Variants in RABGAP1L observed in about 807,000 individuals in gnomAD.
The protein encoded by RABGAP1L is rab GTPase-activating protein 1-like.
Under a neutral mutation model 137.7 loss-of-function variants are expected in RABGAP1L, and 63 were observed. The observed-to-expected ratio is 0.46, with a 90% CI of 0.37 to 0.56. The LOEUF (loss-of-function observed/expected upper bound fraction) is 0.56, where lower values mean the gene tolerates loss of function less well. Ranked by LOEUF, RABGAP1L falls within the 20% of genes least tolerant of loss-of-function variation. RABGAP1L has a pLI of 0.00. For synonymous variants in RABGAP1L, 431 were observed against 433.7 expected (o/e 0.99, Z 0.08); for missense variants, 1,095 against 1,244.0 (o/e 0.88, Z 1.80).
chr1:174,660,478 CTTA>C (rs1676293153), intron 14 of RABGAP1L, among the ~76,000 whole-genome samples: 1 of 152,174 alleles, frequency 6.6e-6, no homozygotes, highest in Non-Finnish European at 1.5e-5. Context: ...TAGCCAGAAT[CTTA>C]TTATTTCTTG....
intron 18 of RABGAP1L, among the ~76,000 whole-genome samples, chr1:174,796,939 G>A (rs948507980): frequency 2.0e-5 from 3 of 151,984 alleles, no homozygotes; most frequent in Admixed American, 2.0e-4. Flanking sequence ...CCTGGGAGGC[G>A]GAGGTTGCAA....
intron 13 of RABGAP1L, 23 bp from the exon 14 acceptor site, chr1:174,637,352 G>A: frequency 1.3e-6 from 2 of 1,511,168 alleles, no homozygotes; most frequent in Non-Finnish European, 1.8e-6. Context: ...TTAATAACCA[G>A]GTCTATTTTC....
At chr1:174,744,878 A>T (rs531620269) in intron 17 of RABGAP1L, among the ~76,000 whole-genome samples, 10 of 152,334 alleles carry the variant, frequency 6.6e-5, no homozygotes, top group African/African-American at 2.4e-4. Flanking sequence ...TCATTATACT[A>T]TGGTTATGTA....
intron 19 of RABGAP1L, among the ~76,000 whole-genome samples, chr1:174,819,950 G>A (rs562687998): frequency 6.6e-6 from 1 of 152,280 alleles, no homozygotes; most frequent in East Asian, 1.9e-4. Context: ...GTGTAGTTTG[G>A]TGAGGAAGAA....
chr1:174,398,540 A>C (rs112817453), intron 13 of RABGAP1L, among the ~76,000 whole-genome samples: 5 of 152,252 alleles, frequency 3.3e-5, no homozygotes, highest in African/African-American at 1.2e-4. Context: ...TCAAGGGTTA[A>C]AAGGTTACTG....
rs549171345 is a variant in RABGAP1L at position 174,511,171 on chromosome 1, TGATA to T, written c.1710+117031_1710+117034del. ...ATAGCTTCAGTTATGTGGAAGAATG[TGATA>T]GATAAAGGACAGCTTAGATTTTAAA... On this transcript the variant is annotated intron_variant, in intron 13 of 25. Coordinates refer to ENST00000681986, the MANE Select transcript of RABGAP1L (RefSeq NM_001366446.1). Among the ~76,000 whole-genome samples, 8 of 152,284 alleles carry T rather than the reference TGATA, an allele frequency of 5.3e-5. No homozygotes were observed. The East Asian group carries it at 1.4e-3, about 26-fold the overall frequency.
rs565202292 is a variant in RABGAP1L at position 174,646,747 on chromosome 1, G to T, written c.1824+9259G>T. 5.3e-5 allele frequency among the ~76,000 whole-genome samples: 8 copies of T among 152,314 alleles called. No homozygotes were observed. The East Asian group carries it at 1.2e-3, about 22-fold the overall frequency. On this transcript the variant is annotated intron_variant, in intron 14 of 25. Transcript: ENST00000681986. ...AAGTAGTTTTTTCTAATTCTGTGAA[G>T]AGTGTCAGTGGTAGCTTGATGGGGA...
In RABGAP1L at chr1:174,833,449, G is replaced by GAGATATATATATATAT. The variant is rs1553259972; in HGVS notation, c.2340+21490_2340+21491insGATATATATATATATA. On this transcript the variant is annotated intron_variant, in intron 19 of 25. Transcript: ENST00000681986. ...ATATATATATGTGTGTGTGTGTAGA[G>GAGATATATATATATAT]ATATATATATATATATATAGTAGAG... Among the ~76,000 whole-genome samples, 253 of 27,854 alleles carry GAGATATATATATATAT rather than the reference G, an allele frequency of 9.1e-3. 32 individuals are homozygous for GAGATATATATATATAT. Among genetic ancestry groups the GAGATATATATATATAT allele is most frequent in the Non-Finnish European group, 0.022 (202 of 9,042 alleles). The allele number at this position is 27,854 out of a possible 152,430, so 18.3% of individuals were successfully genotyped here.
chr1:174,968,638 T>TTTTAC (rs1669862495), intron 20 of RABGAP1L, among the ~76,000 whole-genome samples: 1 of 152,116 alleles, frequency 6.6e-6, no homozygotes, highest in South Asian at 2.1e-4. Flanking sequence ...AATGTTTTAA[T>TTTTAC]CTGAAATTTT....
In RABGAP1L at chr1:174,298,546, TCCTATGG is replaced by T. The variant is rs200483123; in HGVS notation, c.1324-6438_1324-6432del. On this transcript the variant is annotated intron_variant, in intron 10 of 25. Transcript: ENST00000681986. ...TGGATCCTTCAGATCCAATTTTCTT[TCCTATGG>T]CTTTGACCCAAAATTTGGAATTGAG... is the stretch of plus-strand genomic sequence containing the variant. Among the ~76,000 whole-genome samples, 1,372 of 152,296 alleles carry T rather than the reference TCCTATGG, an allele frequency of 9.0e-3. 22 individuals are homozygous for T. The highest frequency in any genetic ancestry group is 0.032 in the African/African-American group (1,324 of 41,568).
At chr1:174,951,752 G>C (rs773880873) in intron 19 of RABGAP1L, among the ~76,000 whole-genome samples, 9 of 152,094 alleles carry the variant, frequency 5.9e-5, no homozygotes, top group Admixed American at 1.3e-4. Context: ...ACATTTAATA[G>C]GTGAAATCAT....
At chr1:174,371,095 GA>G in intron 12 of RABGAP1L, 23 bp downstream of exon 12, 1 of 1,325,564 alleles carries the variant, frequency 7.5e-7, no homozygotes, top group South Asian at 1.6e-5. Context: ...TTTTCATACT[GA>G]AAATTCTATA....
chr1:174,441,753 A>G (rs1233901213), intron 13 of RABGAP1L, among the ~76,000 whole-genome samples: 1 of 152,036 alleles, frequency 6.6e-6, no homozygotes, highest in East Asian at 1.9e-4. Context: ...CAAACAAACA[A>G]ACAAATAAAA....
At chr1:174,721,672 T>TA (rs1332382115) in intron 17 of RABGAP1L, among the ~76,000 whole-genome samples, 2 of 152,238 alleles carry the variant, frequency 1.3e-5, no homozygotes, top group Non-Finnish European at 2.9e-5. Context: ...GATGGAACTT[T>TA]TTAGAGTTAG....
intron 10 of RABGAP1L, among the ~76,000 whole-genome samples, chr1:174,293,149 AG>A (rs1408275634): frequency 6.6e-6 from 1 of 151,944 alleles, no homozygotes; most frequent in African/African-American, 2.4e-5. Flanking sequence ...CATGAACAGT[AG>A]TTTTTTTTGG....
At chr1:174,785,784 G>A (rs1687408024) in intron 18 of RABGAP1L, among the ~76,000 whole-genome samples, 1 of 152,174 alleles carries the variant, frequency 6.6e-6, no homozygotes, top group Non-Finnish European at 1.5e-5. Flanking sequence ...CTACAGTGGT[G>A]ACAGCTGCTT....
intron 19 of RABGAP1L, among the ~76,000 whole-genome samples, chr1:174,825,213 A>C (rs992746772): frequency 5.2e-4 from 79 of 152,140 alleles, no homozygotes; most frequent in African/African-American, 1.9e-3. Context: ...TTTGATTTTT[A>C]TAATGTGAAG....
At chr1:174,397,289 G>A (rs925856485) in intron 13 of RABGAP1L, among the ~76,000 whole-genome samples, 1 of 152,230 alleles carries the variant, frequency 6.6e-6, no homozygotes, top group African/African-American at 2.4e-5. Flanking sequence ...TGAAGATTGC[G>A]GGGAGGCAAA....
intron 19 of RABGAP1L, among the ~76,000 whole-genome samples, chr1:174,943,486 C>T (rs1291722115): frequency 1.3e-5 from 2 of 152,196 alleles, no homozygotes; most frequent in South Asian, 2.1e-4. Flanking sequence ...TCCCTCAGAG[C>T]ACTTAACTTA....
Sources: gnomAD v4.1 joint callset for allele counts (sites outside exome capture counted in the v4.1 genomes callset) on GRCh38, gnomAD v4.1.1 for gene constraint, MANE v1.5 for transcripts, NCBI Gene and HGNC (gene_info 2026-07-23, HGNC 2026-07-21) for gene names.